The following SLC5A8 variants were observed in gnomAD, a reference collection of about 807,000 sequenced individuals.
SLC5A8 encodes the protein solute carrier family 5 member 8, also known as sodium-coupled monocarboxylate transporter 1.
A neutral mutation model predicts 71.9 loss-of-function variants in SLC5A8; 55 were observed. The observed-to-expected ratio is 0.77, with a 90% CI of 0.62 to 0.96. The LOEUF (loss-of-function observed/expected upper bound fraction) is 0.96, where lower values mean the gene tolerates loss of function less well. Among genes scored for constraint, SLC5A8 ranks in the 40% least tolerant of loss-of-function variants. SLC5A8 has a pLI of 0.00. For synonymous variants in SLC5A8, 307 were observed against 276.1 expected (o/e 1.11, Z -1.11); for missense variants, 701 against 745.3 (o/e 0.94, Z 0.69).
At chr12:101,171,321 T>C (rs2051827964) in intron 10 of SLC5A8, among the ~76,000 whole-genome samples, 1 of 152,204 alleles carries the variant, frequency 6.6e-6, no homozygotes, top group Admixed American at 6.5e-5. Flanking sequence ...GTTTGACAGA[T>C]AGGACTGACC....
In SLC5A8 at chr12:101,158,550, G is replaced by GTCTCTCTCTCTC. The variant is rs372186123; in HGVS notation, c.1631-234_1631-223dup. On this transcript the variant is annotated intron_variant, in intron 13 of 14. Transcript: ENST00000536262. ...AAGCCTCTCACTATAATAAATATGAGTCTCTCTCTCTCTCTCTCTCTCTCT... is the reference window on the plus strand; with the variant it reads ...AAGCCTCTCACTATAATAAATATGAGTCTCTCTCTCTCTCTCTCTCTCTCTCTCTCTCTCTCT... 1.5e-3 allele frequency among the ~76,000 whole-genome samples: 74 copies of GTCTCTCTCTCTC among 48,490 alleles called. 2 individuals carry two copies. Among genetic ancestry groups the GTCTCTCTCTCTC allele is most frequent in the East Asian group, 6.3e-3 (5 of 798 alleles). The allele number at this position is 48,490 out of a possible 152,430, so 31.8% of individuals were successfully genotyped here. A position where few individuals can be genotyped will look rare whatever the true frequency, so the allele number is the denominator to read the frequency against.
intron 9 of SLC5A8, 69 bp from the exon 10 acceptor site, chr12:101,180,165 C>A (rs971490816): frequency 2.1e-6 from 3 of 1,452,194 alleles, no homozygotes; most frequent in Non-Finnish European, 2.9e-6. Context: ...ATAGAATAAT[C>A]CACCACACCT....
At chr12:101,167,678 G>A (rs530651365) in intron 11 of SLC5A8, among the ~76,000 whole-genome samples, 1 of 152,282 alleles carries the variant, frequency 6.6e-6, no homozygotes, top group African/African-American at 2.4e-5. Flanking sequence ...GAAAATTCCT[G>A]GCCAAGGTGG....
Position 101,201,934 on chromosome 12 carries a change from G to A in SLC5A8, c.469+230C>T, listed in dbSNP as rs576458507. Among the ~76,000 whole-genome samples, 33 of 152,252 alleles carry A rather than the reference G, an allele frequency of 2.2e-4. 1 individual carries two copies. Among genetic ancestry groups the A allele is most frequent in the African/African-American group, 7.7e-4 (32 of 41,538 alleles). Reference sequence around the variant, plus strand: ...GGGCTGATGGGCACATCCCAGAGAAGTACCACCTGGAGAAGTCCACCTCTG... The same window carrying A: ...GGGCTGATGGGCACATCCCAGAGAAATACCACCTGGAGAAGTCCACCTCTG... On this transcript the variant is annotated intron_variant, in intron 3 of 14. Transcript: ENST00000536262.
chr12:101,203,241 G>C (rs1593385569), intron 2 of SLC5A8, among the ~76,000 whole-genome samples: 1 of 152,322 alleles, frequency 6.6e-6, no homozygotes, highest in East Asian at 1.9e-4. Context: ...CAGTTGTTAA[G>C]GACTGATAAA....
chr12:101,169,944 G>T (rs2051812487), intron 10 of SLC5A8, among the ~76,000 whole-genome samples: 1 of 152,198 alleles, frequency 6.6e-6, no homozygotes, highest in South Asian at 2.1e-4. Context: ...GGTGCTTCTA[G>T]AAACATTTAG....
At chr12:101,165,205 T>C (rs570053535) in intron 12 of SLC5A8, among the ~76,000 whole-genome samples, 103 of 152,282 alleles carry the variant, frequency 6.8e-4, no homozygotes, top group African/African-American at 2.4e-3. Flanking sequence ...AGCTGAAATA[T>C]TTGATAAGTA....
At chr12:101,180,565 C>T (rs2051922935) in intron 9 of SLC5A8, among the ~76,000 whole-genome samples, 1 of 152,130 alleles carries the variant, frequency 6.6e-6, no homozygotes, top group South Asian at 2.1e-4. Flanking sequence ...TGGGAAGTGG[C>T]AATGGACACT....
At chr12:101,203,754 A>G (rs995139199) in intron 2 of SLC5A8, among the ~76,000 whole-genome samples, 2 of 152,266 alleles carry the variant, frequency 1.3e-5, no homozygotes, top group African/African-American at 4.8e-5. Flanking sequence ...TTAACTGACA[A>G]GAGGAAAATG....
At chr12:101,201,213 C>T (rs556890205) in intron 3 of SLC5A8, among the ~76,000 whole-genome samples, 46 of 152,196 alleles carry the variant, frequency 3.0e-4, no homozygotes, top group Non-Finnish European at 5.6e-4. Context: ...AGATGATCCA[C>T]TTGTGATGTT....
At position 101,206,861 on chromosome 12, in the gene SLC5A8, C is replaced by G. The variant is rs149901334; in HGVS notation, c.352-2296G>C. Among the ~76,000 whole-genome samples, 43 of 152,182 alleles carry G rather than the reference C, an allele frequency of 2.8e-4. 1 individual carries two copies. The highest frequency in any genetic ancestry group is 9.6e-4 in the African/African-American group (40 of 41,504). Reference sequence around the variant, plus strand: ...TTGGATTCCTGCATTATACTTGGGTCTGGAAGTTGCTAAACACCTATCAGG... The same window carrying G: ...TTGGATTCCTGCATTATACTTGGGTGTGGAAGTTGCTAAACACCTATCAGG... On this transcript the variant is annotated intron_variant, in intron 1 of 14. Transcript: ENST00000536262.
chr12:101,178,874 C>T (rs2051906130), intron 10 of SLC5A8, among the ~76,000 whole-genome samples: 1 of 149,746 alleles, frequency 6.7e-6, no homozygotes, highest in Non-Finnish European at 1.5e-5. Flanking sequence ...AAAAGACAAA[C>T]TACTGTGTAA....
At chr12:101,175,348 C>A (rs1372059501) in intron 10 of SLC5A8, among the ~76,000 whole-genome samples, 2 of 151,956 alleles carry the variant, frequency 1.3e-5, no homozygotes, top group East Asian at 3.9e-4. Flanking sequence ...ACATTCATGT[C>A]ATGAGAGTCC....
At chr12:101,206,249 G>A (rs932822130) in intron 1 of SLC5A8, among the ~76,000 whole-genome samples, 5 of 152,186 alleles carry the variant, frequency 3.3e-5, no homozygotes, top group African/African-American at 1.2e-4. Flanking sequence ...TATTTTGGAA[G>A]CCTTTTTAGA....
chr12:101,182,782 A>C, intron 9 of SLC5A8, 21 bp downstream of exon 9: 1 of 1,513,982 alleles, frequency 6.6e-7, no homozygotes, highest in Non-Finnish European at 9.0e-7. Context: ...CTAAAATGGA[A>C]TTATGAAAAC....
At chr12:101,175,260 C>A (rs893949342) in intron 10 of SLC5A8, among the ~76,000 whole-genome samples, 1 of 151,866 alleles carries the variant, frequency 6.6e-6, no homozygotes, top group Non-Finnish European at 1.5e-5. Context: ...ATAACCCAAA[C>A]TGAACAATAG....
intron 1 of SLC5A8, among the ~76,000 whole-genome samples, chr12:101,206,826 G>A (rs1869698845): frequency 6.6e-6 from 1 of 152,130 alleles, no homozygotes; most frequent in African/African-American, 2.4e-5. Flanking sequence ...TGAAGAATTG[G>A]TGGATTAAAT....
At chr12:101,180,214 G>A in intron 9 of SLC5A8, 118 bp from the exon 10 acceptor site, 2 of 1,010,148 alleles carry the variant, frequency 2.0e-6, no homozygotes, top group Non-Finnish European at 3.1e-6. Context: ...GTGAAGAATG[G>A]CCACACACAT....
Position 101,199,815 on chromosome 12 carries a change from A to C in SLC5A8, c.469+2349T>G, listed in dbSNP as rs192272710. On this transcript the variant is annotated intron_variant, in intron 3 of 14. Coordinates refer to ENST00000536262, the MANE Select transcript of SLC5A8 (RefSeq NM_145913.5). ...AATAGAATTATATTTTTAATTTTATACTACATCCATGTATTTCATTTCCAA... is the reference window on the plus strand; with the variant it reads ...AATAGAATTATATTTTTAATTTTATCCTACATCCATGTATTTCATTTCCAA... 2.0e-3 allele frequency among the ~76,000 whole-genome samples: 306 copies of C among 151,844 alleles called. 1 individual carries two copies. The highest frequency in any genetic ancestry group is 3.5e-3 in the Non-Finnish European group (235 of 67,814).
Sources: gnomAD v4.1 joint callset for allele counts (sites outside exome capture counted in the v4.1 genomes callset) on GRCh38, gnomAD v4.1.1 for gene constraint, MANE v1.5 for transcripts, NCBI Gene and HGNC (gene_info 2026-07-23, HGNC 2026-07-21) for gene names.